FAN1: variants seen among roughly 807,000 people sequenced by gnomAD.
The protein encoded by FAN1 is FANCD2 and FANCI associated nuclease 1.
FAN1 carries 91 observed loss-of-function variants against 104.9 expected under a neutral mutation model. That is an observed-to-expected ratio of 0.87 (90% CI 0.73 to 1.03). The LOEUF is 1.03. Ranked by LOEUF, FAN1 falls within the 50% of genes least tolerant of loss-of-function variation. FAN1 has a pLI of 0.00. For synonymous variants in FAN1, 478 were observed against 457.6 expected (o/e 1.04, Z -0.57); for missense variants, 1,263 against 1,239.9 (o/e 1.02, Z -0.28).
intron 10 of FAN1, chr15:30,926,990 C>A: frequency 1.0e-6 from 1 of 985,422 alleles, no homozygotes; most frequent in Non-Finnish European, 1.2e-6. Flanking sequence ...TCACTTATAA[C>A]ACAAATGCAC....
intron 14 of FAN1, chr15:30,940,415 A>G (rs76472542): frequency 9.9e-5 from 98 of 985,130 alleles, no homozygotes; most frequent in Non-Finnish European, 1.2e-4. Flanking sequence ...CCATTTTTTT[A>G]TTTCTCCTCT....
At chr15:30,905,976 A>AG in intron 2 of FAN1, 79 bp downstream of exon 2, 1 of 1,353,382 alleles carries the variant, frequency 7.4e-7, no homozygotes, top group Non-Finnish European at 1.0e-6. Flanking sequence ...GATGGGCAGT[A>AG]ATCTAGTGAC....
Position 30,942,199 on chromosome 15 carries a change from TC to T in FAN1, c.*640del. 1 of 1,180,706 alleles carries T rather than the reference TC, an allele frequency of 8.5e-7. No individual in the cohort carries two copies. The highest frequency in any genetic ancestry group is 1.2e-6 in the Non-Finnish European group (1 of 843,332). The allele number at this position is 1,180,706 out of a possible 1,614,324, so 73.1% of individuals were successfully genotyped here. ...ATTTCAGCCTCAAAGAACATTTTCC[TC>T]CCTTCCTTTGTGTCCTTATTCTAAT... On this transcript the variant is annotated 3_prime_UTR_variant, in exon 15 of 15. Coordinates refer to ENST00000362065, the MANE Select transcript of FAN1 (RefSeq NM_014967.5).
rs1470219915 is a variant in FAN1, at chr15:30,943,012, C to G, written c.*1450C>G. 2.6e-6 allele frequency: 4 copies of G among 1,551,984 alleles called. No individual in the cohort carries two copies. In the Admixed American group the frequency reaches 5.9e-5, roughly 23 times the overall value. On this transcript the variant is annotated 3_prime_UTR_variant, in exon 15 of 15. Coordinates refer to ENST00000362065, the MANE Select transcript of FAN1 (RefSeq NM_014967.5). ...GTAAACTGGAGAGACCAGTCCCAAA[C>G]AGAGGGGAATTTTAAGCCCTTCTCA...
In FAN1 at chr15:30,930,525, C is replaced by T. The variant is rs2062681209; in HGVS notation, c.2788-18C>T. ...TGTCACGAGGGAAGTGGCTAACTGT[C>T]CTGTGTTTTGTGTTCAGGATCTTGT... On this transcript the variant is annotated intron_variant, in intron 12 of 14. Transcript: ENST00000362065. 1 of 1,581,216 alleles carries T rather than the reference C, an allele frequency of 6.3e-7. No homozygotes were observed. Among genetic ancestry groups the T allele is most frequent in the Admixed American group, 2.1e-5 (1 of 48,550 alleles).
Position 30,920,570 on chromosome 15 carries a change from C to T in FAN1, c.1969C>T (p.Leu657=). 2 of 1,611,166 alleles carry T rather than the reference C, an allele frequency of 1.2e-6. No homozygotes were observed. The highest frequency in any genetic ancestry group is 2.7e-5 in the African/African-American group (2 of 74,892). ...ATGCCACGAAGATTTACCACTCTTC[C>T]TGCGGTGTTTCACTGTTGGGTGGAT... The part of the protein sequence containing the change: ...LRCHEDLPLF[L]RCFTVGWIYT... The change falls in exon 7 of 15, where the codon CTG becomes TTG. Residue 657 remains leucine (L), a synonymous_variant. Coordinates refer to ENST00000362065, the MANE Select transcript of FAN1 (RefSeq NM_014967.5).
At chr15:30,929,117 C>A in intron 11 of FAN1, 86 bp from the exon 12 acceptor site, 3 of 1,206,650 alleles carry the variant, frequency 2.5e-6, no homozygotes, top group Non-Finnish European at 3.5e-6. Flanking sequence ...TGGCCGGTTT[C>A]CAAGTTTTGT....
chr15:30,907,031 T>C (rs1221313901), intron 2 of FAN1, among the ~76,000 whole-genome samples: 1 of 152,146 alleles, frequency 6.6e-6, no homozygotes, highest in African/African-American at 2.4e-5. Context: ...GTACAATCTG[T>C]TGGTGTGTAG....
At chr15:30,938,235 T>TA (rs545329006) in intron 14 of FAN1, among the ~76,000 whole-genome samples, 7 of 152,308 alleles carry the variant, frequency 4.6e-5, no homozygotes, top group Admixed American at 4.6e-4. Context: ...TTCAAGTAAT[T>TA]AATTATATGG....
chr15:30,917,072 G>A (rs532887737), intron 5 of FAN1, among the ~76,000 whole-genome samples: 2 of 152,344 alleles, frequency 1.3e-5, no homozygotes, highest in East Asian at 3.9e-4. Flanking sequence ...GGACTGGGTT[G>A]TTGGTAGCGG....
chr15:30,940,559 C>A, intron 14 of FAN1: 1 of 985,492 alleles, frequency 1.0e-6, no homozygotes, highest in Non-Finnish European at 1.2e-6. Flanking sequence ...AAGCCCAGCA[C>A]GCCTCCCAGC....
intron 4 of FAN1, among the ~76,000 whole-genome samples, chr15:30,912,413 A>C (rs2062118092): frequency 6.6e-6 from 1 of 152,210 alleles, no homozygotes; most frequent in African/African-American, 2.4e-5. Context: ...GTCACTGCTT[A>C]GTTTTCTGTG....
At chr15:30,905,920 T>G in intron 2 of FAN1, 23 bp downstream of exon 2, 1 of 1,590,632 alleles carries the variant, frequency 6.3e-7, no homozygotes, top group Non-Finnish European at 8.6e-7. Context: ...CGTGTTTGTT[T>G]TCAAGTTTTC....
chr15:30,937,932 A>G (rs555070211), intron 14 of FAN1, among the ~76,000 whole-genome samples: 15 of 151,166 alleles, frequency 9.9e-5, no homozygotes, highest in African/African-American at 3.4e-4. Context: ...CTGTAATCCC[A>G]GCACTTTGGG....
In FAN1 at chr15:30,904,751, A is replaced by T. The variant is rs751410785; in HGVS notation, c.88A>T (p.Ile30Phe). The stretch of plus-strand genomic sequence containing the variant: ...GAATAAGAAAAAAGCATCTAATTCT[A>T]TTATTTCGTGTTTTAACAATGCACC... Reference protein sequence around the residue: ...SKNKKKASNSIISCFNNAPPA... With the variant: ...SKNKKKASNSFISCFNNAPPA... Residue 30 changes from isoleucine to phenylalanine, a missense_variant, in exon 2 of 15, where the codon ATT becomes TTT. Physicochemically the swap from Ile to Phe is conservative, Grantham distance 21. Coordinates refer to ENST00000362065, the MANE Select transcript of FAN1 (RefSeq NM_014967.5). 6.2e-7 allele frequency: 1 copy of T among 1,612,898 alleles called. No individual in the cohort carries two copies. The highest frequency in any genetic ancestry group is 1.1e-5 in the South Asian group (1 of 91,032).
At position 30,927,978 on chromosome 15, in the gene FAN1, G is replaced by T. The variant is rs535019804; in HGVS notation, c.2489-575G>T. On this transcript the variant is annotated intron_variant, in intron 10 of 14. Coordinates refer to ENST00000362065, the MANE Select transcript of FAN1 (RefSeq NM_014967.5). ...CTGAAGTGGGTGATCTTTAAGGCCA[G>T]ATGTCTCTGTAAAAGCCTTGACTAT... The T allele has an allele frequency of 5.1e-6, 5 of 985,870 alleles. No individual in the cohort carries two copies. The East Asian group carries it at 3.4e-4, about 67-fold the overall frequency. 61.1% of individuals were successfully genotyped at this position (985,870 alleles called of 1,614,324 possible). A position where few individuals can be genotyped will look rare whatever the true frequency, so the allele number is the denominator to read the frequency against.
chr15:30,924,928 G>A (rs570922555), intron 8 of FAN1, among the ~76,000 whole-genome samples, 199 bp from the exon 9 acceptor site: 1 of 152,332 alleles, frequency 6.6e-6, no homozygotes, highest in African/African-American at 2.4e-5. Context: ...CGTTGACTGT[G>A]AAGGCTCTGG....
intron 14 of FAN1, chr15:30,939,515 A>AT (rs2140978631): frequency 1.0e-6 from 1 of 981,546 alleles, no homozygotes; most frequent in Non-Finnish European, 1.2e-6. Flanking sequence ...TAATCATGAT[A>AT]TAACAACTGT....
At chr15:30,925,039 A>G in intron 8 of FAN1, 88 bp from the exon 9 acceptor site, 1 of 1,389,550 alleles carries the variant, frequency 7.2e-7, no homozygotes, top group Non-Finnish European at 9.8e-7. Flanking sequence ...ATTCAATAAT[A>G]AACAGTGGGC....
Sources: gnomAD v4.1 joint callset for allele counts (sites outside exome capture counted in the v4.1 genomes callset) on GRCh38, gnomAD v4.1.1 for gene constraint, MANE v1.5 for transcripts, NCBI Gene and HGNC (gene_info 2026-07-23, HGNC 2026-07-21) for gene names.